The following YES1 variants were observed in gnomAD, a reference collection of about 807,000 sequenced individuals.
YES1 encodes tyrosine-protein kinase Yes.
A neutral mutation model predicts 70.4 loss-of-function variants in YES1; 39 were observed. That is an observed-to-expected ratio of 0.55 (90% confidence interval 0.43 to 0.72). The LOEUF (loss-of-function observed/expected upper bound fraction) is 0.72. Ranked by LOEUF, YES1 falls within the 30% of genes least tolerant of loss-of-function variation. The pLI is 0.00. For missense variants in YES1, 495 were observed against 644.8 expected (o/e 0.77, Z 2.52); for synonymous variants, 198 against 218.6 (o/e 0.91, Z 0.83).
intron 1 of YES1, among the ~76,000 whole-genome samples, chr18:795,963 TAAAAC>T (rs1178658303): frequency 7.3e-6 from 1 of 137,282 alleles, no homozygotes; most frequent in African/African-American, 2.8e-5. Flanking sequence ...TATGAGTAAG[TAAAAC>T]AAAAGTTCAG....
At chr18:798,092 G>A (rs1248374689) in intron 1 of YES1, 1 of 152,146 alleles carries the variant, frequency 6.6e-6, no homozygotes, top group East Asian at 1.9e-4. Flanking sequence ...CTCACTCTGA[G>A]AACCACCTTC....
chr18:787,784 A>C (rs1262164584), intron 1 of YES1: 1 of 152,212 alleles, frequency 6.6e-6, no homozygotes, highest in African/African-American at 2.4e-5. Flanking sequence ...CAAATGATAA[A>C]TACTGATCAA....
rs1440908675 is a variant in YES1 at position 723,113 on chromosome 18, T to C, written c.*1311A>G. On this transcript the variant is annotated 3_prime_UTR_variant, in exon 12 of 12. Transcript: ENST00000314574. ...TCTCAAAAAAGAAAACAAAAAAAAGTGAATGTAGATTCAAACATGATTTGA... is the reference window on the plus strand; with the variant it reads ...TCTCAAAAAAGAAAACAAAAAAAAGCGAATGTAGATTCAAACATGATTTGA... 6.6e-6 allele frequency: 1 copy of C among 151,738 alleles called. No individual in the cohort carries two copies. Among genetic ancestry groups the C allele is most frequent in the African/African-American group, 2.4e-5 (1 of 41,288 alleles). 9.4% of individuals were successfully genotyped at this position (151,738 alleles called of 1,614,324 possible). A position where few individuals can be genotyped will look rare whatever the true frequency, so the allele number is the denominator to read the frequency against.
At chr18:775,614 T>C (rs1367642503) in intron 1 of YES1, among the ~76,000 whole-genome samples, 1 of 151,982 alleles carries the variant, frequency 6.6e-6, no homozygotes, top group African/African-American at 2.4e-5. Flanking sequence ...CTGAGCAACA[T>C]AATGAGACCT....
chr18:744,564 T>A (rs922350389), intron 6 of YES1, among the ~76,000 whole-genome samples: 8 of 151,718 alleles, frequency 5.3e-5, no homozygotes, highest in East Asian at 1.9e-4. Flanking sequence ...TAAATTTTTT[T>A]ATATTTTAAT....
In YES1 at chr18:725,046, G is replaced by C. The variant is rs115669917; in HGVS notation, c.1424-414C>G. ...AATTCAGAAGAAAGTTCTAGTCTTG[G>C]TTTTGCCAAATATACCAACTACATA... On this transcript the variant is annotated intron_variant, in intron 11 of 11. Coordinates refer to ENST00000314574, the MANE Select transcript of YES1 (RefSeq NM_005433.4). Among the ~76,000 whole-genome samples the C allele has an allele frequency of 4.6e-3, 700 of 152,258 alleles. 3 individuals are homozygous for C. The highest frequency in any genetic ancestry group is 0.016 in the African/African-American group (669 of 41,556).
At chr18:724,961 C>A (rs2080000477) in intron 11 of YES1, among the ~76,000 whole-genome samples, 1 of 152,212 alleles carries the variant, frequency 6.6e-6, no homozygotes, top group South Asian at 2.1e-4. Flanking sequence ...TTAACAATGA[C>A]CAAACTTGGG....
intron 10 of YES1, among the ~76,000 whole-genome samples, chr18:733,479 G>A (rs960627213): frequency 7.2e-5 from 11 of 152,044 alleles, no homozygotes; most frequent in Admixed American, 6.6e-4. Flanking sequence ...AATCACTATG[G>A]AAACCTAAAA....
intron 11 of YES1, among the ~76,000 whole-genome samples, chr18:728,577 A>G (rs1187843879): frequency 1.3e-5 from 2 of 152,106 alleles, no homozygotes; most frequent in Non-Finnish European, 2.9e-5. Context: ...CCCAAGCTGG[A>G]GTGCAGTAGT....
intron 1 of YES1, among the ~76,000 whole-genome samples, chr18:808,914 C>A (rs1407058244): frequency 6.6e-6 from 1 of 152,188 alleles, no homozygotes; most frequent in Non-Finnish European, 1.5e-5. Flanking sequence ...TTATTTTATG[C>A]TGAGATTTCA....
chr18:784,518 G>A (rs183719968), intron 1 of YES1, among the ~76,000 whole-genome samples: 27 of 152,194 alleles, frequency 1.8e-4, no homozygotes, highest in African/African-American at 4.8e-4. Context: ...CAATACAAAC[G>A]TATTTATCTT....
Position 740,425 on chromosome 18 carries a change from AG to A in YES1, c.1061-615del, listed in dbSNP as rs914416072. Among the ~76,000 whole-genome samples, 17 of 152,368 alleles carry A rather than the reference AG, an allele frequency of 1.1e-4. 1 individual carries two copies. The highest frequency in any genetic ancestry group is 1.0e-3 in the South Asian group (5 of 4,824). Reference sequence around the variant, plus strand: ...GAAGTAACAATGCTATGGAAGACAGAGGAAGGTTGAGGAATGGCTCTAGATT... The same window carrying A: ...GAAGTAACAATGCTATGGAAGACAGAGAAGGTTGAGGAATGGCTCTAGATT... On this transcript the variant is annotated intron_variant, in intron 8 of 11. Transcript: ENST00000314574.
chr18:752,215 C>G (rs894063180), intron 2 of YES1, among the ~76,000 whole-genome samples: 1 of 152,200 alleles, frequency 6.6e-6, no homozygotes, highest in African/African-American at 2.4e-5. Context: ...TCAAGTGATT[C>G]TCATGCCTCA....
At chr18:784,494 T>G (rs553744043) in intron 1 of YES1, among the ~76,000 whole-genome samples, 116 of 152,202 alleles carry the variant, frequency 7.6e-4, no homozygotes, top group Non-Finnish European at 1.5e-3. Flanking sequence ...TACCACAAAT[T>G]TAGTGGCTTA....
At chr18:732,044 A>G (rs149312331) in intron 11 of YES1, among the ~76,000 whole-genome samples, 49 of 151,944 alleles carry the variant, frequency 3.2e-4, no homozygotes, top group African/African-American at 1.2e-3. Context: ...AATGGCAGAT[A>G]TATTTATTAA....
rs2079989511 is a variant in YES1 at position 724,051 on chromosome 18, C to A, written c.*373G>T. 1 of 170,804 alleles carries A rather than the reference C, an allele frequency of 5.9e-6. No individual in the cohort carries two copies. Among genetic ancestry groups the A allele is most frequent in the African/African-American group, 2.4e-5 (1 of 41,862 alleles). 10.6% of individuals were successfully genotyped at this position (170,804 alleles called of 1,614,324 possible). A position where few individuals can be genotyped will look rare whatever the true frequency, so the allele number is the denominator to read the frequency against. ...TTTATTATGGTATAGCTTTTTATCT[C>A]TCAAGTTTTATCTGTAACAATAAAT... On this transcript the variant is annotated 3_prime_UTR_variant, in exon 12 of 12. Transcript: ENST00000314574.
Position 747,519 on chromosome 18 carries a change from A to C in YES1, c.470+401T>G, listed in dbSNP as rs141001717. 2.2e-3 allele frequency among the ~76,000 whole-genome samples: 333 copies of C among 152,318 alleles called. 2 individuals are homozygous for C. The highest frequency in any genetic ancestry group is 7.7e-3 in the African/African-American group (321 of 41,584). ...GGCATCATAAATATGGGATGCATAT[A>C]TATACCAATATACCCATCCCTATCA... On this transcript the variant is annotated intron_variant, in intron 4 of 11. Coordinates refer to ENST00000314574, the MANE Select transcript of YES1 (RefSeq NM_005433.4).
intron 9 of YES1, 77 bp downstream of exon 9, chr18:739,658 A>C: frequency 8.6e-7 from 1 of 1,163,016 alleles, no homozygotes; most frequent in Non-Finnish European, 1.2e-6. Flanking sequence ...TACACATACT[A>C]TAATATTCTG....
At chr18:749,287 A>G (rs976060263) in intron 3 of YES1, among the ~76,000 whole-genome samples, 3 of 151,802 alleles carry the variant, frequency 2.0e-5, no homozygotes, top group Non-Finnish European at 4.4e-5. Context: ...TGAGGTCAGG[A>G]GTTCGTGACC....
Sources: allele counts gnomAD v4.1 joint callset (sites outside exome capture counted in the v4.1 genomes callset), GRCh38; gene constraint gnomAD v4.1.1; transcripts MANE v1.5; gene names NCBI Gene and HGNC (gene_info 2026-07-23, HGNC 2026-07-21).